CSMD1: variants seen among roughly 807,000 people sequenced by gnomAD.
The protein encoded by CSMD1 is CUB and Sushi multiple domains 1, also known as CUB and sushi domain-containing protein 1.
CSMD1 carries 213 observed loss-of-function variants against 417.5 expected under a neutral mutation model. That is an observed-to-expected ratio of 0.51 (90% CI 0.46 to 0.57). CSMD1 has a LOEUF of 0.57. Ranked by LOEUF, CSMD1 falls within the 20% of genes least tolerant of loss-of-function variation. The pLI, the probability that CSMD1 is intolerant of heterozygous loss-of-function variation, is 0.00. For missense variants in CSMD1, 6,923 were observed against 4,529.7 expected (o/e 1.53, Z -15.17); for synonymous variants, 2,862 against 1,736.8 (o/e 1.65, Z -16.11).
rs1584959217 is a variant in CSMD1 at position 3,611,579 on chromosome 8, A to T, written c.1097+5131T>A. On this transcript the variant is annotated intron_variant, in intron 8 of 69. Coordinates refer to ENST00000635120, the MANE Select transcript of CSMD1 (RefSeq NM_033225.6). ...AAGTTAAAGTTTTCTAATTTTCATT[A>T]GTAATAAAATTGTAATTTTCATTTG... Among the ~76,000 whole-genome samples, 3 of 152,338 alleles carry T rather than the reference A, an allele frequency of 2.0e-5. 1 individual carries two copies. Among genetic ancestry groups the T allele is most frequent in the Admixed American group, 2.0e-4 (3 of 15,300 alleles).
chr8:4,324,080 T>C (rs1455594441), intron 3 of CSMD1, among the ~76,000 whole-genome samples: 1 of 152,182 alleles, frequency 6.6e-6, no homozygotes, highest in African/African-American at 2.4e-5. Context: ...GCTTAGATTT[T>C]ACACCTTTTA....
intron 5 of CSMD1, among the ~76,000 whole-genome samples, chr8:3,802,956 C>A (rs1216151953): frequency 1.3e-5 from 2 of 152,026 alleles, no homozygotes; most frequent in African/African-American, 4.8e-5. Context: ...AAATAATCAG[C>A]CAAAAATGTT....
chr8:3,194,507 G>T (rs1003599268), intron 33 of CSMD1, among the ~76,000 whole-genome samples: 1 of 150,722 alleles, frequency 6.6e-6, no homozygotes, highest in Admixed American at 6.7e-5. Flanking sequence ...ACCCAGGCTG[G>T]AGTACAGTGG....
intron 5 of CSMD1, among the ~76,000 whole-genome samples, chr8:3,764,017 G>A (rs1206287797): frequency 1.3e-5 from 2 of 152,098 alleles, no homozygotes; most frequent in African/African-American, 4.8e-5. Context: ...TCCTCAGCAG[G>A]TGTTTGGCAC....
chr8:4,962,173 A>C (rs969863839), intron 1 of CSMD1, among the ~76,000 whole-genome samples: 6 of 148,300 alleles, frequency 4.0e-5, no homozygotes, highest in African/African-American at 1.5e-4. Context: ...ACAATAATAT[A>C]AATGTAAATT....
intron 2 of CSMD1, among the ~76,000 whole-genome samples, chr8:4,436,295 T>C (rs1256392111): frequency 1.3e-5 from 2 of 152,200 alleles, no homozygotes; most frequent in African/African-American, 2.4e-5. Flanking sequence ...GGTGTTTTTT[T>C]CATCTTATCT....
At chr8:4,900,058 C>T (rs1316310551) in intron 1 of CSMD1, among the ~76,000 whole-genome samples, 1 of 152,142 alleles carries the variant, frequency 6.6e-6, no homozygotes, top group South Asian at 2.1e-4. Flanking sequence ...GCATTTCCTC[C>T]TCCATCTCTG....
At chr8:3,700,435 T>TA (rs1045947665) in intron 7 of CSMD1, 7 of 152,116 alleles carry the variant, frequency 4.6e-5, no homozygotes, top group Non-Finnish European at 7.4e-5. Flanking sequence ...TATAATAACT[T>TA]AAAAAACACA....
chr8:4,451,663 A>G lies in CSMD1; in HGVS notation c.303-31598T>C, dbSNP rs75640845. On this transcript the variant is annotated intron_variant, in intron 2 of 69. Coordinates refer to ENST00000635120, the MANE Select transcript of CSMD1 (RefSeq NM_033225.6). ...AATGTTAGGATACATTCCTTAGTCA[A>G]TTGAGTTCACTGATGACCATGAAAT... is the stretch of plus-strand genomic sequence containing the variant. 9.1e-3 allele frequency among the ~76,000 whole-genome samples: 1,392 copies of G among 152,246 alleles called. 14 individuals carry two copies. The highest frequency in any genetic ancestry group is 0.025 in the African/African-American group (1,056 of 41,564).
At chr8:3,498,931 C>T (rs565140228) in intron 10 of CSMD1, among the ~76,000 whole-genome samples, 1 of 152,114 alleles carries the variant, frequency 6.6e-6, no homozygotes, top group African/African-American at 2.4e-5. Context: ...TTTTATTCTA[C>T]TGATTCTCAC....
intron 3 of CSMD1, among the ~76,000 whole-genome samples, chr8:4,302,432 G>C (rs1312307239): frequency 6.6e-6 from 1 of 152,182 alleles, no homozygotes. Context: ...ATCCCATAGT[G>C]AAGGTGGTTT....
At chr8:3,448,585 A>G (rs1815484887) in intron 12 of CSMD1, among the ~76,000 whole-genome samples, 1 of 152,110 alleles carries the variant, frequency 6.6e-6, no homozygotes, top group Admixed American at 6.5e-5. Context: ...CTGTAAGTCC[A>G]TGAGTACTAA....
At chr8:4,439,293 GC>G (rs1431229900) in intron 2 of CSMD1, among the ~76,000 whole-genome samples, 9 of 152,010 alleles carry the variant, frequency 5.9e-5, no homozygotes, top group Non-Finnish European at 1.0e-4. Context: ...ACCTTTCACT[GC>G]TGCCAAAATT....
At chr8:4,195,618 C>T (rs1206920785) in intron 3 of CSMD1, among the ~76,000 whole-genome samples, 1 of 152,122 alleles carries the variant, frequency 6.6e-6, no homozygotes, top group Admixed American at 6.5e-5. Context: ...TTATATAAGG[C>T]TGCATCTTGC....
At chr8:4,272,885 G>A (rs747617771) in intron 3 of CSMD1, among the ~76,000 whole-genome samples, 1 of 152,128 alleles carries the variant, frequency 6.6e-6, no homozygotes, top group Non-Finnish European at 1.5e-5. Flanking sequence ...AATTTGTTAA[G>A]TTGTAGCTTT....
intron 15 of CSMD1, 118 bp from the exon 16 acceptor site, chr8:3,399,647 T>C: frequency 1.4e-6 from 1 of 711,764 alleles, no homozygotes. Flanking sequence ...TTTTCAAGTA[T>C]CAAAGCAAAT....
chr8:4,164,909 A>C (rs1365149719), intron 3 of CSMD1, among the ~76,000 whole-genome samples: 3 of 151,522 alleles, frequency 2.0e-5, no homozygotes, highest in African/African-American at 7.3e-5. Context: ...ATATGTATAT[A>C]TATAGTTTGA....
intron 12 of CSMD1, among the ~76,000 whole-genome samples, chr8:3,430,832 G>A (rs1814173803): frequency 6.6e-6 from 1 of 152,052 alleles, no homozygotes; most frequent in Admixed American, 6.6e-5. Context: ...AAAATTCAAA[G>A]AAGCTCTTTG....
At chr8:3,585,331 G>C (rs4875745) in intron 9 of CSMD1, among the ~76,000 whole-genome samples, 76,657 of 152,070 alleles carry the variant, frequency 0.5, 20,168 homozygotes, top group Non-Finnish European at 0.59. Flanking sequence ...TATATGGAAA[G>C]ATAAGGTATT....
Sources: gnomAD v4.1 joint callset for allele counts (sites outside exome capture counted in the v4.1 genomes callset) on GRCh38, gnomAD v4.1.1 for gene constraint, MANE v1.5 for transcripts, NCBI Gene and HGNC (gene_info 2026-07-23, HGNC 2026-07-21) for gene names.